The following SUPT5H variants were observed in gnomAD, a reference collection of about 807,000 sequenced individuals.
The protein encoded by SUPT5H is SPT5 homolog, DSIF elongation factor subunit.
In SUPT5H, 24 loss-of-function variants were observed where a neutral mutation model predicts 142.5. The observed-to-expected ratio is 0.17, with a 90% CI of 0.12 to 0.24. The LOEUF (loss-of-function observed/expected upper bound fraction) is 0.24, where lower values mean the gene tolerates loss of function less well. Among genes scored for constraint, SUPT5H ranks in the 10% least tolerant of loss-of-function variants. The pLI is 1.00. For synonymous variants in SUPT5H, 546 were observed against 553.0 expected, an observed-to-expected ratio of 0.99 and a Z score of 0.18; for missense variants, 893 against 1,471.8, an observed-to-expected ratio of 0.61 and a Z score of 6.43.
rs199752896 is a variant in SUPT5H at position 39,474,360 on chromosome 19, C to T, written c.2778C>T (p.Ser926=). Residue 926 remains serine, a synonymous_variant, in exon 27 of 30, where the codon TCC becomes TCT. Transcript: ENST00000432763. The surrounding 1 kb of genome is among the most constrained non-coding windows in gnomAD (Gnocchi z 6.5). ...CAGCAGGCTACCAGAATACCCACTC[C>T]CCAGCCAGCTACCACCCTACACCGT... is the stretch of plus-strand genomic sequence containing the variant. ...PSPAGYQNTH[S]PASYHPTPSP... is the part of the protein sequence containing the mutation. 3 of 1,614,048 alleles carry T rather than the reference C, an allele frequency of 1.9e-6. No homozygotes were observed. The highest frequency in any genetic ancestry group is 2.7e-5 in the African/African-American group (2 of 74,916).
At position 39,469,493 on chromosome 19, in the gene SUPT5H, G is replaced by C; in HGVS notation, c.1374+95G>C. ...GCGGTGGTGTGCCTGGTGACACCTG[G>C]TTTCCAGGAGGGTAAGTTGAGGCCC... On this transcript the variant is annotated intron_variant, in intron 16 of 29. Transcript: ENST00000432763. The surrounding 1 kb of genome is among the most constrained non-coding windows in gnomAD (Gnocchi z 5.1). The C allele has an allele frequency of 1.3e-6, 2 of 1,557,392 alleles. No homozygotes were observed. Among genetic ancestry groups the C allele is most frequent in the Non-Finnish European group, 1.8e-6 (2 of 1,142,304 alleles).
Position 39,466,869 on chromosome 19 carries a change from C to A in SUPT5H, c.1037+124C>A. The stretch of plus-strand genomic sequence containing the variant: ...TTAGCCTGTGAATTGGTTAGCTTGG[C>A]AGTATAGCCTCAGGCAAGTCACTTC... On this transcript the variant is annotated intron_variant, in intron 13 of 29. Coordinates refer to ENST00000432763, the MANE Select transcript of SUPT5H (RefSeq NM_001111020.3). This position sits in a 1 kb window ranked among gnomAD's most constrained non-coding sequence, Gnocchi z 4.3. 2.3e-6 allele frequency: 2 copies of A among 878,942 alleles called. No homozygotes were observed. Among genetic ancestry groups the A allele is most frequent in the Non-Finnish European group, 1.9e-6 (1 of 534,324 alleles). 54.4% of individuals were successfully genotyped at this position (878,942 alleles called of 1,614,324 possible).
intron 4 of SUPT5H, 159 bp downstream of exon 4, chr19:39,457,899 T>A (rs887947348): frequency 7.4e-7 from 1 of 1,353,244 alleles, no homozygotes; most frequent in Non-Finnish European, 1.0e-6. Flanking sequence ...AGCTCCCTGC[T>A]TTTTCCTTTT....
chr19:39,463,985 CTTTT>C (rs56190970), intron 10 of SUPT5H, among the ~76,000 whole-genome samples: 1 of 136,024 alleles, frequency 7.4e-6, no homozygotes. Context: ...CTTCTAGTTG[CTTTT>C]TTTTTTTTTT....
chr19:39,460,949 G>A (rs2079153190), intron 10 of SUPT5H, among the ~76,000 whole-genome samples: 1 of 152,016 alleles, frequency 6.6e-6, no homozygotes, highest in South Asian at 2.1e-4. Flanking sequence ...ACAGTTGTAG[G>A]GTTTGCAAAC....
chr19:39,446,398 C>T (rs902391075), intron 2 of SUPT5H, among the ~76,000 whole-genome samples: 2 of 152,088 alleles, frequency 1.3e-5, no homozygotes, highest in Non-Finnish European at 2.9e-5. Flanking sequence ...ATATAGTAAG[C>T]TGGAAGGTAC....
In SUPT5H at chr19:39,472,348, TC is replaced by T. The variant is rs534546586; in HGVS notation, c.1951-59del. On this transcript the variant is annotated intron_variant, in intron 20 of 29. Transcript: ENST00000432763. The surrounding 1 kb of genome is among the most constrained non-coding windows in gnomAD (Gnocchi z 4.2). ...GGGCCCTGCACGTGGGATGATGAGT[TC>T]CTGTGGTTTGTGGTTCCCCCATCCC... is the stretch of plus-strand genomic sequence containing the variant. The T allele has an allele frequency of 1.4e-4, 209 of 1,538,086 alleles. 2 individuals carry two copies. In the African/African-American group the frequency reaches 2.4e-3, roughly 17 times the overall value.
chr19:39,457,778 G>C, intron 4 of SUPT5H, 38 bp downstream of exon 4: 14 of 1,613,840 alleles, frequency 8.7e-6, no homozygotes, highest in Non-Finnish European at 1.2e-5. Flanking sequence ...CTACTGGGAA[G>C]AGGGTGGCTG....
chr19:39,473,461 G>A lies in SUPT5H; in HGVS notation c.2432G>A (p.Gly811Asp). The A allele has an allele frequency of 6.2e-7, 1 of 1,613,134 alleles. No homozygotes were observed. The highest frequency in any genetic ancestry group is 8.5e-7 in the Non-Finnish European group (1 of 1,179,924). The change falls in exon 25 of 30, where the codon GGC becomes GAC. Residue 811 changes from glycine (G) to aspartate (D), a missense_variant. Around this residue, in one of 6 missense-constraint regions of SUPT5H, gnomAD observed 336 missense variants for 546.5 expected, o/e 0.61. Transcript: ENST00000432763. This position sits in a 1 kb window ranked among gnomAD's most constrained non-coding sequence, Gnocchi z 5.8. ...HYGSQTPLHD[G>D]SRTPAQSGAW... ...GGCTCACAGACGCCCCTGCATGATG[G>A]CAGCCGCACTCCTGCCCAGAGTGGG...
rs1330133114 is a variant in SUPT5H, at chr19:39,470,729, C to T, written c.1677+206C>T. On this transcript the variant is annotated intron_variant, in intron 18 of 29. Transcript: ENST00000432763. This position sits in a 1 kb window ranked among gnomAD's most constrained non-coding sequence, Gnocchi z 5.8. ...GTTTTCACACCCTATAAAATGGAAA[C>T]GAGAGCAGCGTCTACTTTGTTCATA... 6.6e-6 allele frequency among the ~76,000 whole-genome samples: 1 copy of T among 152,132 alleles called. No individual in the cohort carries two copies. Among genetic ancestry groups the T allele is most frequent in the Non-Finnish European group, 1.5e-5 (1 of 68,022 alleles).
chr19:39,453,413 G>C lies in SUPT5H; in HGVS notation c.133G>C (p.Glu45Gln), dbSNP rs763109965. 1 of 1,593,012 alleles carries C rather than the reference G, an allele frequency of 6.3e-7. No individual in the cohort carries two copies. The highest frequency in any genetic ancestry group is 8.6e-7 in the Non-Finnish European group (1 of 1,169,456). The change falls in exon 3 of 30, where the codon GAA (glutamate) becomes CAA (glutamine). Residue 45 changes from glutamate (E) to glutamine (Q), a missense_variant. Physicochemically the swap from Glu to Gln is conservative, Grantham distance 29. Transcript: ENST00000432763. ...TGAGAAAGAAGAAGAGCCTGAGGAC[G>C]AAGAGGAGGAGGAAGAGGAGGAGGA... ...GSEKEEEPED[E>Q]EEEEEEEEYD... is the part of the protein sequence containing the mutation.
chr19:39,465,126 C>G, intron 11 of SUPT5H, 77 bp downstream of exon 11: 1 of 1,532,632 alleles, frequency 6.5e-7, no homozygotes, highest in Non-Finnish European at 8.8e-7. Context: ...TCCTTCCCAC[C>G]CTCTTTGTGC....
chr19:39,458,260 C>T lies in SUPT5H; in HGVS notation c.308-34C>T. ...CCACCACCACCACCACCACCACCAC[C>T]ACCACCACCACCACCTCCTCTTCCT... is the stretch of plus-strand genomic sequence containing the variant. On this transcript the variant is annotated intron_variant, in intron 4 of 29. Coordinates refer to ENST00000432763, the MANE Select transcript of SUPT5H (RefSeq NM_001111020.3). This position sits in a 1 kb window ranked among gnomAD's most constrained non-coding sequence, Gnocchi z 4.2. 1 of 1,588,268 alleles carries T rather than the reference C, an allele frequency of 6.3e-7. No individual in the cohort carries two copies. Among genetic ancestry groups the T allele is most frequent in the Non-Finnish European group, 8.5e-7 (1 of 1,170,048 alleles).
At chr19:39,457,817 C>G in intron 4 of SUPT5H, 77 bp downstream of exon 4, 1 of 1,599,418 alleles carries the variant, frequency 6.3e-7, no homozygotes, top group South Asian at 1.1e-5. Context: ...ATTCCCCCGA[C>G]CCCCGCATCC....
Position 39,466,662 on chromosome 19 carries a change from C to A in SUPT5H, c.967-13C>A, listed in dbSNP as rs756161708. ...TCCCTCACCCTTCCCACCCATGCCC[C>A]TTTCCTCCATAGAAAGACTGGTTTG... On this transcript the variant is annotated splice_polypyrimidine_tract_variant and intron_variant, in intron 12 of 29. Transcript: ENST00000432763. The surrounding 1 kb of genome is among the most constrained non-coding windows in gnomAD (Gnocchi z 4.3). The A allele has an allele frequency of 1.2e-6, 2 of 1,614,086 alleles. No individual in the cohort carries two copies. The highest frequency in any genetic ancestry group is 1.7e-6 in the Non-Finnish European group (2 of 1,180,040).
intron 28 of SUPT5H, chr19:39,475,207 C>T (rs1425632380): frequency 7.3e-6 from 1 of 137,610 alleles, no homozygotes; most frequent in East Asian, 2.1e-4. Context: ...TGGTGAAACC[C>T]TGTCTCTACT....
chr19:39,472,602 TA>T lies in SUPT5H; in HGVS notation c.2035+110del. The T allele has an allele frequency of 1.4e-6, 2 of 1,409,906 alleles. No homozygotes were observed. The highest frequency in any genetic ancestry group is 1.9e-6 in the Non-Finnish European group (2 of 1,025,892). 87.3% of individuals were successfully genotyped at this position (1,409,906 alleles called of 1,614,324 possible). Reference sequence around the variant, plus strand: ...CCTGTGCTGGGCTGGGCACTGCTATTAGGGGTTCACCACCCACAGGAGGGTA... The same window carrying T: ...CCTGTGCTGGGCTGGGCACTGCTATTGGGGTTCACCACCCACAGGAGGGTA... On this transcript the variant is annotated intron_variant, in intron 21 of 29. Coordinates refer to ENST00000432763, the MANE Select transcript of SUPT5H (RefSeq NM_001111020.3). This position sits in a 1 kb window ranked among gnomAD's most constrained non-coding sequence, Gnocchi z 4.2.
intron 3 of SUPT5H, among the ~76,000 whole-genome samples, chr19:39,454,247 G>GT (rs1244732295): frequency 2.6e-5 from 4 of 152,000 alleles, no homozygotes; most frequent in Non-Finnish European, 5.9e-5. Flanking sequence ...AGGAGCTGTA[G>GT]TTTTTTCATC....
intron 2 of SUPT5H, among the ~76,000 whole-genome samples, chr19:39,452,618 G>A (rs75209835): frequency 2.0e-5 from 3 of 152,104 alleles, no homozygotes; most frequent in Non-Finnish European, 2.9e-5. Flanking sequence ...AGTGATCTTC[G>A]TGAGCAGTGT....
Sources: allele counts gnomAD v4.1 joint callset (sites outside exome capture counted in the v4.1 genomes callset), GRCh38; gene constraint gnomAD v4.1.1; regional missense constraint gnomAD v4.1.1; non-coding constraint Gnocchi (gnomAD v3.1); transcripts MANE v1.5; gene names NCBI Gene and HGNC (gene_info 2026-07-23, HGNC 2026-07-21).